The following BOLA3 variants were observed in gnomAD, a reference collection of about 807,000 sequenced individuals.
BOLA3 encodes the protein bolA-like protein 3.
A neutral mutation model predicts 14.5 loss-of-function variants in BOLA3; 8 were observed. That is an observed-to-expected ratio of 0.55 (90% CI 0.32 to 0.99). BOLA3 has a LOEUF of 0.99. Ranked by LOEUF, BOLA3 falls within the 50% of genes least tolerant of loss-of-function variation. BOLA3 has a pLI of 0.04. For missense variants in BOLA3, 115 were observed against 138.2 expected (o/e 0.83, Z 0.84); for synonymous variants, 42 against 45.7 (o/e 0.92, Z 0.33).
Position 74,138,771 on chromosome 2 carries a change from C to T in BOLA3, c.259-3113G>A, listed in dbSNP as rs182950367. Among the ~76,000 whole-genome samples the T allele has an allele frequency of 2.5e-3, 380 of 152,280 alleles. 2 individuals carry two copies. The highest frequency in any genetic ancestry group is 0.012 in the South Asian group (60 of 4,826). ...TGGAAAGAGGCCGGAGGCAGGGAGA[C>T]GGCAACAGCTGTTTAGCAACTGCCT... On this transcript the variant is annotated intron_variant, in intron 3 of 3. Coordinates refer to ENST00000327428, the MANE Select transcript of BOLA3 (RefSeq NM_212552.3).
At chr2:74,145,445 G>C (rs1251011355) in intron 1 of BOLA3, 142 bp from the exon 2 acceptor site, 2 of 694,830 alleles carry the variant, frequency 2.9e-6, no homozygotes, top group African/African-American at 3.5e-5. Flanking sequence ...TTATGTCAGA[G>C]GGGCTCTGTG....
At position 74,135,404 on chromosome 2, in the gene BOLA3, C is replaced by T. The variant is rs180789482; in HGVS notation, c.*189G>A. Reference sequence around the variant, plus strand: ...AGGAACCTGAAACATTACTAATGACCCTTCAAAAGCTTCAGTTGTTTGTTT... The same window carrying T: ...AGGAACCTGAAACATTACTAATGACTCTTCAAAAGCTTCAGTTGTTTGTTT... On this transcript the variant is annotated 3_prime_UTR_variant, in exon 4 of 4. Coordinates refer to ENST00000327428, the MANE Select transcript of BOLA3 (RefSeq NM_212552.3). 1.1e-6 allele frequency: 1 copy of T among 947,712 alleles called. No homozygotes were observed. The highest frequency in any genetic ancestry group is 1.6e-5 in the African/African-American group (1 of 60,666). The allele number at this position is 947,712 out of a possible 1,614,324, so 58.7% of individuals were successfully genotyped here. A position where few individuals can be genotyped will look rare whatever the true frequency, so the allele number is the denominator to read the frequency against.
At chr2:74,140,934 A>G (rs1463105812) in intron 3 of BOLA3, among the ~76,000 whole-genome samples, 2 of 152,238 alleles carry the variant, frequency 1.3e-5, no homozygotes, top group East Asian at 1.9e-4. Context: ...GGGAAGTCCA[A>G]TTCCAGAAAC....
intron 3 of BOLA3, among the ~76,000 whole-genome samples, chr2:74,138,717 G>T (rs1032166823): frequency 6.6e-6 from 1 of 152,208 alleles, no homozygotes; most frequent in African/African-American, 2.4e-5. Context: ...ATTGGTGGAG[G>T]CGCCTTAGGG....
At chr2:74,147,542 G>A (rs763508316) in intron 1 of BOLA3, 1 of 532,684 alleles carries the variant, frequency 1.9e-6, no homozygotes, top group Non-Finnish European at 3.3e-6. Context: ...TGTGCCCGCA[G>A]TATTATGACT....
chr2:74,147,633 G>A, intron 1 of BOLA3, 188 bp downstream of exon 1: 1 of 661,002 alleles, frequency 1.5e-6, no homozygotes, highest in Non-Finnish European at 2.6e-6. Context: ...TTGAAATTTC[G>A]AATGCCGTTG....
At chr2:74,147,731 C>T in intron 1 of BOLA3, 90 bp downstream of exon 1, 1 of 1,351,294 alleles carries the variant, frequency 7.4e-7, no homozygotes. Flanking sequence ...CCTCCGGGAG[C>T]CAGTCCTCAA....
chr2:74,135,632 C>A lies in BOLA3; in HGVS notation c.285G>T (p.Met95Ile). The change falls in exon 4 of 4, where the codon ATG (methionine) becomes ATT (isoleucine). Residue 95 changes from methionine (M) to isoleucine (I), a missense_variant. Transcript: ENST00000327428. ...NQALKEEIKE[M>I]HGLRIFTSVP... ...CAGAGGTAAATATCCGCAATCCATG[C>A]ATCTCTTTGATTTCTTCTTTTAGTG... is the stretch of plus-strand genomic sequence containing the variant. 6.2e-7 allele frequency: 1 copy of A among 1,613,912 alleles called. No individual in the cohort carries two copies. Among genetic ancestry groups the A allele is most frequent in the Non-Finnish European group, 8.5e-7 (1 of 1,179,846 alleles).
intron 1 of BOLA3, 41 bp from the exon 2 acceptor site, chr2:74,145,344 G>C (rs1305997493): frequency 1.6e-6 from 2 of 1,232,372 alleles, no homozygotes; most frequent in South Asian, 1.2e-5. Context: ...AGAGGAAGAT[G>C]CTGTTGCCCC....
intron 1 of BOLA3, chr2:74,145,877 G>A (rs1257692146): frequency 6.5e-6 from 1 of 154,346 alleles, no homozygotes; most frequent in East Asian, 1.9e-4. Flanking sequence ...CTTCTCACTG[G>A]GAGCAAAGTC....
chr2:74,136,591 TC>T (rs2103637671), intron 3 of BOLA3, among the ~76,000 whole-genome samples: 1 of 152,312 alleles, frequency 6.6e-6, no homozygotes, highest in African/African-American at 2.4e-5. Flanking sequence ...ACTTTGCTCT[TC>T]CCCCAAACAT....
At chr2:74,141,367 A>G (rs986722738) in intron 3 of BOLA3, among the ~76,000 whole-genome samples, 1 of 152,114 alleles carries the variant, frequency 6.6e-6, no homozygotes, top group Non-Finnish European at 1.5e-5. Flanking sequence ...CGACAGCCAA[A>G]AAAGGGGGCC....
Position 74,144,396 on chromosome 2 carries a change from T to G in BOLA3, c.169+793A>C, listed in dbSNP as rs189884270. ...TTCTCCTCAATCCTTGGAAATGTTA[T>G]GTTCTCAGTAAAGTCAGTGAGCCCT... On this transcript the variant is annotated intron_variant, in intron 2 of 3. Transcript: ENST00000327428. Among the ~76,000 whole-genome samples the G allele has an allele frequency of 2.0e-5, 3 of 152,374 alleles. No individual in the cohort carries two copies. In the East Asian group the frequency reaches 5.8e-4, roughly 29 times the overall value.
At chr2:74,143,233 G>A (rs1341759632) in intron 2 of BOLA3, among the ~76,000 whole-genome samples, 1 of 151,826 alleles carries the variant, frequency 6.6e-6, no homozygotes, top group East Asian at 1.9e-4. Flanking sequence ...TGGGCTCACT[G>A]CAAGCTCCGC....
At chr2:74,140,111 C>T (rs1047566232) in intron 3 of BOLA3, among the ~76,000 whole-genome samples, 3 of 152,154 alleles carry the variant, frequency 2.0e-5, no homozygotes, top group Non-Finnish European at 4.4e-5. Flanking sequence ...TGGTGAAACC[C>T]CATCTCTACT....
chr2:74,146,019 G>GT (rs1253498670), intron 1 of BOLA3: 3 of 149,884 alleles, frequency 2.0e-5, no homozygotes, highest in African/African-American at 5.0e-5. Flanking sequence ...TTGAGACAGA[G>GT]TTTTGCTCTG....
intron 1 of BOLA3, chr2:74,147,556 C>T (rs999757123): frequency 1.8e-6 from 1 of 555,476 alleles, no homozygotes; most frequent in African/African-American, 2.0e-5. Flanking sequence ...TATGACTGTT[C>T]ATGTGTCTGT....
At chr2:74,139,245 G>A (rs191132773) in intron 3 of BOLA3, among the ~76,000 whole-genome samples, 1 of 152,274 alleles carries the variant, frequency 6.6e-6, no homozygotes, top group Admixed American at 6.5e-5. Context: ...GGCCTTTTGG[G>A]CAGAAAATTC....
At chr2:74,143,574 C>T (rs554640869) in intron 2 of BOLA3, among the ~76,000 whole-genome samples, 3 of 152,186 alleles carry the variant, frequency 2.0e-5, no homozygotes, top group Non-Finnish European at 2.9e-5. Flanking sequence ...ACAGCTGAGT[C>T]AAGCTCTAAC....
Sources: gnomAD v4.1 joint callset for allele counts (sites outside exome capture counted in the v4.1 genomes callset) on GRCh38, gnomAD v4.1.1 for gene constraint, MANE v1.5 for transcripts, NCBI Gene and HGNC (gene_info 2026-07-23, HGNC 2026-07-21) for gene names.